The following CELF1 variants were observed in gnomAD, a reference collection of about 807,000 sequenced individuals.
CELF1 encodes the protein CUGBP Elav-like family member 1, also known as 50 kDa nuclear polyadenylated RNA-binding protein.
CELF1 carries 10 observed loss-of-function variants against 61.8 expected under a neutral mutation model. That is an observed-to-expected ratio of 0.16 (90% CI 0.10 to 0.27). CELF1 has a LOEUF of 0.27. Ranked by LOEUF, CELF1 falls within the 10% of genes least tolerant of loss-of-function variation. CELF1 has a pLI of 1.00. For missense variants in CELF1, 380 were observed against 639.1 expected (o/e 0.59, Z 4.37); for synonymous variants, 236 against 225.1 (o/e 1.05, Z -0.43).
chr11:47,522,732 AG>A (rs1310172389), intron 1 of CELF1, among the ~76,000 whole-genome samples: 1 of 150,028 alleles, frequency 6.7e-6, no homozygotes, highest in Non-Finnish European at 1.5e-5. Context: ...AGGCTGAGGC[AG>A]GAGAATTGCT....
chr11:47,549,605 T>C (rs1331760457), intron 1 of CELF1, among the ~76,000 whole-genome samples: 3 of 152,174 alleles, frequency 2.0e-5, no homozygotes, highest in Non-Finnish European at 4.4e-5. Flanking sequence ...ACTTACATGA[T>C]GTTATCTAAA....
At position 47,494,370 on chromosome 11, in the gene CELF1, T is replaced by C. The variant is rs1013238273; in HGVS notation, c.71+5083A>G. ...ACTCTCATTGTTGCTTCTGCTGCCA[T>C]TATTAAGAATGAGCAACTATGAAAA... On this transcript the variant is annotated intron_variant, in intron 3 of 14. Transcript: ENST00000687097. 3 of 983,334 alleles carry C rather than the reference T, an allele frequency of 3.1e-6. No individual in the cohort carries two copies. The African/African-American group carries it at 5.2e-5, about 17-fold the overall frequency. The allele number at this position is 983,334 out of a possible 1,614,324, so 60.9% of individuals were successfully genotyped here.
At chr11:47,492,867 G>A (rs898740426) in intron 3 of CELF1, among the ~76,000 whole-genome samples, 8 of 152,156 alleles carry the variant, frequency 5.3e-5, no homozygotes, top group Non-Finnish European at 7.3e-5. Context: ...TCTAGAGTGG[G>A]TTAACAAAGA....
At chr11:47,533,811 A>C (rs1333316101) in intron 1 of CELF1, among the ~76,000 whole-genome samples, 4,195 of 69,264 alleles carry the variant, frequency 0.061, 250 homozygotes, top group African/African-American at 0.27. Context: ...CTCTCCCCCA[A>C]AAAAAAAAAA....
intron 1 of CELF1, among the ~76,000 whole-genome samples, chr11:47,535,974 G>A (rs373581872): frequency 6.6e-6 from 1 of 152,054 alleles, no homozygotes; most frequent in South Asian, 2.1e-4. Context: ...GTGTTAGCCA[G>A]GATGGTCTTG....
Position 47,473,082 on chromosome 11 carries a change from A to C in CELF1, c.1417+6T>G, listed in dbSNP as rs1406014692. ...CCATCCTGACACCAGAGAGAAGCCA[A>C]CATACCAAAACACTTGCTCAGGTTT... On this transcript the variant is annotated splice_donor_region_variant and intron_variant, in intron 14 of 14. Transcript: ENST00000687097. 1.2e-6 allele frequency: 2 copies of C among 1,613,344 alleles called. No homozygotes were observed. The highest frequency in any genetic ancestry group is 1.7e-6 in the Non-Finnish European group (2 of 1,179,764).
chr11:47,545,861 G>GTGTC (rs1555191562), intron 1 of CELF1, among the ~76,000 whole-genome samples: 6 of 81,508 alleles, frequency 7.4e-5, no homozygotes, highest in Non-Finnish European at 1.7e-4. Context: ...GTGTGTGTGT[G>GTGTC]TGTGTCTGCG....
At position 47,538,210 on chromosome 11, in the gene CELF1, G is replaced by A. The variant is rs963680171; in HGVS notation, c.-154+14782C>T. Among the ~76,000 whole-genome samples the A allele has an allele frequency of 8.5e-5, 13 of 152,126 alleles. No individual in the cohort carries two copies. In the East Asian group the frequency reaches 2.1e-3, roughly 25 times the overall value. On this transcript the variant is annotated intron_variant, in intron 1 of 14. Transcript: ENST00000687097. Reference sequence around the variant, plus strand: ...ATGCAGGCATGAGCTACCATGCCTGGCCCATAATATTGTTTAGATATATTT... The same window carrying A: ...ATGCAGGCATGAGCTACCATGCCTGACCCATAATATTGTTTAGATATATTT...
At chr11:47,539,208 AAATAAT>A (rs2096713068) in intron 1 of CELF1, among the ~76,000 whole-genome samples, 1 of 152,182 alleles carries the variant, frequency 6.6e-6, no homozygotes, top group African/African-American at 2.4e-5. Flanking sequence ...AATTAAAAAC[AAATAAT>A]TATAAAAAAC....
intron 1 of CELF1, among the ~76,000 whole-genome samples, chr11:47,506,300 C>A (rs1210444293): frequency 6.6e-6 from 1 of 150,694 alleles, no homozygotes; most frequent in East Asian, 1.9e-4. Context: ...GTGGCACAGG[C>A]CTGTTAATCC....
At chr11:47,558,784 T>C (rs2097216628) in intron 2 of CELF1, among the ~76,000 whole-genome samples, 1 of 118,244 alleles carries the variant, frequency 8.5e-6, no homozygotes, top group Non-Finnish European at 1.6e-5. Flanking sequence ...ATATAATATA[T>C]ATATAATATA....
At chr11:47,489,935 G>GTTTTTTCTTTTTTTTTTTTTTTTTT (rs1555170256) in intron 3 of CELF1, among the ~76,000 whole-genome samples, 1 of 48,226 alleles carries the variant, frequency 2.1e-5, no homozygotes, top group Non-Finnish European at 3.9e-5. Context: ...ATACCATCTT[G>GTTTTTTCTTTTTTTTTTTTTTTTTT]TTTTTTTTTT....
rs1208073727 is a variant in CELF1, at chr11:47,472,115, C to G, written c.*115G>C. On this transcript the variant is annotated 3_prime_UTR_variant, in exon 15 of 15. Coordinates refer to ENST00000687097, the MANE Select transcript of CELF1 (RefSeq NM_001376376.1). The stretch of plus-strand genomic sequence containing the variant: ...GGGCAAGCTGTGCCTGCGAGAGTGG[C>G]AGGGATCAGGGTCCAGGGCTGTCAA... The G allele has an allele frequency of 4.0e-6, 5 of 1,249,322 alleles. No individual in the cohort carries two copies. The highest frequency in any genetic ancestry group is 5.6e-6 in the Non-Finnish European group (5 of 890,148). The allele number at this position is 1,249,322 out of a possible 1,614,324, so 77.4% of individuals were successfully genotyped here.
chr11:47,501,026 G>A, intron 1 of CELF1, 94 bp from the exon 2 acceptor site: 1 of 397,184 alleles, frequency 2.5e-6, no homozygotes, highest in East Asian at 3.6e-5. Context: ...AGGCCTAGAA[G>A]TTCTAATCTG....
intron 3 of CELF1, among the ~76,000 whole-genome samples, chr11:47,489,942 T>TTTGTTTTTTTTTTTTTC: frequency 8.7e-6 from 1 of 114,782 alleles, no homozygotes; most frequent in South Asian, 3.2e-4. Context: ...CTTGTTTTTT[T>TTTGTTTTTTTTTTTTTC]TTTTTTTTTT....
chr11:47,539,345 T>TG (rs932495091), intron 1 of CELF1, among the ~76,000 whole-genome samples: 5 of 152,064 alleles, frequency 3.3e-5, no homozygotes, highest in East Asian at 3.9e-4. Context: ...AAGGAGGGTA[T>TG]GGGGGAAAAA....
At chr11:47,495,015 T>C (rs768483872) in intron 3 of CELF1, among the ~76,000 whole-genome samples, 2 of 152,212 alleles carry the variant, frequency 1.3e-5, no homozygotes, top group Non-Finnish European at 2.9e-5. Context: ...GCCTGCCAAA[T>C]GCTGGGATTA....
chr11:47,481,332 G>A (rs2083134440), intron 9 of CELF1, among the ~76,000 whole-genome samples: 2 of 151,746 alleles, frequency 1.3e-5, no homozygotes, highest in South Asian at 2.1e-4. Flanking sequence ...GTTTCACCAT[G>A]CTGGCCAGGC....
In CELF1 at chr11:47,478,964, AC is replaced by A; in HGVS notation, c.769-13del. ...AGCTGCAAATAAAGCTAGACATTAC[AC>A]CAAAAAACAGAACAAGAGTGAGAGT... On this transcript the variant is annotated splice_polypyrimidine_tract_variant and intron_variant, in intron 9 of 14. Coordinates refer to ENST00000687097, the MANE Select transcript of CELF1 (RefSeq NM_001376376.1). The A allele has an allele frequency of 6.2e-7, 1 of 1,606,566 alleles. No individual in the cohort carries two copies. Among genetic ancestry groups the A allele is most frequent in the Non-Finnish European group, 8.5e-7 (1 of 1,175,846 alleles).
Sources: gnomAD v4.1 joint callset for allele counts (sites outside exome capture counted in the v4.1 genomes callset) on GRCh38, gnomAD v4.1.1 for gene constraint, MANE v1.5 for transcripts, NCBI Gene and HGNC (gene_info 2026-07-23, HGNC 2026-07-21) for gene names.